Variants in SFMBT2 observed in about 807,000 individuals in gnomAD.
SFMBT2 encodes the protein scm-like with four MBT domains protein 2.
A neutral mutation model predicts 110.1 loss-of-function variants in SFMBT2; 38 were observed. That is an observed-to-expected ratio of 0.35 (90% confidence interval 0.27 to 0.45). The LOEUF (loss-of-function observed/expected upper bound fraction) is 0.45, where lower values mean the gene tolerates loss of function less well. SFMBT2 is among the 20% of genes least tolerant of loss of function. The probability of loss-of-function intolerance (pLI) is 1.00; values close to 1 mark genes in which losing one functional copy is unlikely to be tolerated. For synonymous variants in SFMBT2, 425 were observed against 425.4 expected (o/e 1.00, Z 0.01); for missense variants, 1,011 against 1,094.9 (o/e 0.92, Z 1.08).
chr10:7,253,923 A>G (rs1298294590), intron 7 of SFMBT2, among the ~76,000 whole-genome samples: 1 of 152,194 alleles, frequency 6.6e-6, no homozygotes, highest in African/African-American at 2.4e-5. Context: ...TCAAGAATAA[A>G]GACAAAACAA....
intron 7 of SFMBT2, among the ~76,000 whole-genome samples, chr10:7,264,587 G>C (rs1199928198): frequency 1.3e-5 from 2 of 152,092 alleles, no homozygotes; most frequent in African/African-American, 4.8e-5. Context: ...TTAGTGTCCT[G>C]GGCATATGAC....
chr10:7,336,388 C>T (rs1321174289), intron 4 of SFMBT2, among the ~76,000 whole-genome samples: 1 of 152,176 alleles, frequency 6.6e-6, no homozygotes, highest in Admixed American at 6.5e-5. Context: ...AGCCACACCA[C>T]CAAACTTCAA....
intron 7 of SFMBT2, among the ~76,000 whole-genome samples, chr10:7,261,799 A>G (rs888963195): frequency 2.0e-5 from 3 of 152,268 alleles, no homozygotes; most frequent in African/African-American, 7.2e-5. Context: ...CTTTCTGGTT[A>G]TAAATGGCAC....
At position 7,197,667 on chromosome 10, in the gene SFMBT2, A is replaced by T. The variant is rs142369832; in HGVS notation, c.1579T>A (p.Cys527Ser). The T allele has an allele frequency of 3.0e-5, 48 of 1,614,188 alleles. No individual in the cohort carries two copies. In the African/African-American group the frequency reaches 5.9e-4, roughly 20 times the overall value. ...DTTGTVNGKY[C>S]CPQLFINHRC... ...TGGTTGATGAAGAGCTGAGGACAGC[A>T]GTATTTCCCGTTGACGGTTCCTGCA... Residue 527 changes from cysteine (C) to serine (S), a missense_variant, in exon 15 of 21, where the codon TGC (cysteine) becomes AGC (serine). This residue lies in a region of SFMBT2 where 979 missense variants were observed against 1,016.1 expected (regional missense o/e 0.96). Coordinates refer to ENST00000397167, the MANE Select transcript of SFMBT2 (RefSeq NM_001387889.1).
chr10:7,398,127 A>T (rs2132118258), intron 1 of SFMBT2, among the ~76,000 whole-genome samples: 1 of 152,348 alleles, frequency 6.6e-6, no homozygotes, highest in Non-Finnish European at 1.5e-5. Flanking sequence ...AATCAGATTC[A>T]TGCCTCAATA....
At chr10:7,368,886 C>A (rs1410808232) in intron 3 of SFMBT2, among the ~76,000 whole-genome samples, 1 of 152,092 alleles carries the variant, frequency 6.6e-6, no homozygotes, top group Non-Finnish European at 1.5e-5. Context: ...CAATCACGTT[C>A]ATAATAAACT....
intron 2 of SFMBT2, among the ~76,000 whole-genome samples, chr10:7,375,866 T>C (rs532999236): frequency 3.3e-5 from 5 of 150,570 alleles, no homozygotes; most frequent in Admixed American, 3.3e-4. Context: ...GGAATACCAT[T>C]GAGTCACACA....
rs186577437 is a variant in SFMBT2, at chr10:7,284,973, C to T, written c.526-823G>A. The T allele has an allele frequency of 1.4e-4, 21 of 152,232 alleles. No homozygotes were observed. In the East Asian group the frequency reaches 3.9e-3, roughly 28 times the overall value. The allele number at this position is 152,232 out of a possible 1,614,324, so 9.4% of individuals were successfully genotyped here. On this transcript the variant is annotated intron_variant, in intron 5 of 20. Transcript: ENST00000397167. Reference sequence around the variant, plus strand: ...TATCTCTAATGATATATAACAAATACATCAGGCAAAATCTTCACAAAACAA... The same window carrying T: ...TATCTCTAATGATATATAACAAATATATCAGGCAAAATCTTCACAAAACAA...
intron 4 of SFMBT2, among the ~76,000 whole-genome samples, chr10:7,299,675 C>T (rs1459844093): frequency 1.3e-5 from 2 of 152,076 alleles, no homozygotes; most frequent in African/African-American, 2.4e-5. Context: ...GACAGTATGG[C>T]GATTCCTCAA....
intron 4 of SFMBT2, among the ~76,000 whole-genome samples, chr10:7,318,357 T>A (rs566251974): frequency 8.5e-5 from 13 of 152,292 alleles, no homozygotes; most frequent in Non-Finnish European, 1.6e-4. Flanking sequence ...TATCTTTTTA[T>A]GTGTTATACT....
chr10:7,288,455 G>T (rs1296397246), intron 4 of SFMBT2, among the ~76,000 whole-genome samples: 1 of 152,004 alleles, frequency 6.6e-6, no homozygotes, highest in African/African-American at 2.4e-5. Flanking sequence ...AATATTGTAC[G>T]CTCAGCACGT....
chr10:7,363,443 G>C (rs1044012986), intron 4 of SFMBT2, among the ~76,000 whole-genome samples: 2 of 152,104 alleles, frequency 1.3e-5, no homozygotes, highest in East Asian at 1.9e-4. Context: ...TTGCCTCCTG[G>C]GTTCAAACAA....
intron 7 of SFMBT2, among the ~76,000 whole-genome samples, chr10:7,274,417 G>A (rs945566277): frequency 3.9e-5 from 6 of 152,170 alleles, no homozygotes; most frequent in Non-Finnish European, 1.5e-5. Context: ...CCCACATGTT[G>A]TGGGGACGTA....
intron 7 of SFMBT2, among the ~76,000 whole-genome samples, chr10:7,253,730 C>T (rs139901873): frequency 8.1e-4 from 123 of 151,270 alleles, no homozygotes; most frequent in African/African-American, 2.8e-3. Context: ...ACTTCAACTC[C>T]GTATTTCAGA....
intron 10 of SFMBT2, among the ~76,000 whole-genome samples, chr10:7,224,335 G>GA (rs1332665049): frequency 5.9e-5 from 9 of 152,058 alleles, no homozygotes; most frequent in African/African-American, 1.9e-4. Flanking sequence ...CATGATTCAG[G>GA]AATCACCATA....
chr10:7,245,234 G>A (rs1326097311), intron 8 of SFMBT2, among the ~76,000 whole-genome samples: 1 of 151,828 alleles, frequency 6.6e-6, no homozygotes, highest in Non-Finnish European at 1.5e-5. Context: ...TCTGTTTATA[G>A]TCTGTCTCCC....
At chr10:7,377,627 T>C (rs150081841) in intron 2 of SFMBT2, among the ~76,000 whole-genome samples, 182 of 152,268 alleles carry the variant, frequency 1.2e-3, no homozygotes, top group African/African-American at 4.2e-3. Context: ...CCGTGCAACC[T>C]AGATCCCTGG....
intron 4 of SFMBT2, among the ~76,000 whole-genome samples, chr10:7,358,653 A>G (rs868114852): frequency 6.4e-5 from 9 of 140,164 alleles, no homozygotes; most frequent in African/African-American, 2.2e-4. Context: ...GCCCTGGGAC[A>G]TCAGCATGGC....
intron 2 of SFMBT2, 115 bp downstream of exon 2, chr10:7,381,684 G>C: frequency 1.7e-6 from 2 of 1,150,344 alleles, no homozygotes; most frequent in Non-Finnish European, 2.4e-6. Context: ...CAAATCCCAG[G>C]AACCAGACAG....
Sources: gnomAD v4.1 joint callset for allele counts (sites outside exome capture counted in the v4.1 genomes callset) on GRCh38, gnomAD v4.1.1 for gene constraint, gnomAD v4.1.1 regional missense constraint, MANE v1.5 for transcripts, NCBI Gene and HGNC (gene_info 2026-07-23, HGNC 2026-07-21) for gene names.